Variants in SNX32 observed in about 807,000 individuals in gnomAD.
The protein encoded by SNX32 is sorting nexin 32, also known as sorting nexin-32.
SNX32 carries 58 observed loss-of-function variants against 57.0 expected under a neutral mutation model. The ratio of observed to expected loss-of-function variants is 1.02; its 90% CI spans 0.82 to 1.27. The LOEUF is 1.27. Among genes scored for constraint, SNX32 ranks in the 50% most tolerant of loss-of-function variants. The pLI, the probability that SNX32 is intolerant of heterozygous loss-of-function variation, is 0.00. For missense variants in SNX32, 589 were observed against 541.2 expected (o/e 1.09, Z -0.88); for synonymous variants, 262 against 220.4 (o/e 1.19, Z -1.67).
At chr11:65,841,176 G>A (rs1275531887) in intron 1 of SNX32, among the ~76,000 whole-genome samples, 1 of 150,362 alleles carries the variant, frequency 6.7e-6, no homozygotes, top group Non-Finnish European at 1.5e-5. Context: ...GAACTCCTGA[G>A]CTCAGGTGAT....
intron 5 of SNX32, 48 bp downstream of exon 5, chr11:65,850,602 C>T: frequency 6.4e-7 from 1 of 1,569,366 alleles, no homozygotes; most frequent in Non-Finnish European, 8.7e-7. Context: ...AGGAGTCTAC[C>T]TTGGGTGGGG....
In SNX32 at chr11:65,839,215, A is replaced by ATTTTTTTTTTTTTTTT. The variant is rs1555032605; in HGVS notation, c.36+5121_36+5122insTTTTTTTTTTTTTTTT. On this transcript the variant is annotated intron_variant, in intron 1 of 12. Transcript: ENST00000308342. The stretch of plus-strand genomic sequence containing the variant: ...AGCTGTGCCCCACCACGCCCAGCTA[A>ATTTTTTTTTTTTTTTT]TTTTTTTGTATTTTTTTTTTTTTTT... Among the ~76,000 whole-genome samples the ATTTTTTTTTTTTTTTT allele has an allele frequency of 4.5e-3, 88 of 19,514 alleles. 6 individuals carry two copies. Among genetic ancestry groups the ATTTTTTTTTTTTTTTT allele is most frequent in the Middle Eastern group, 0.022 (1 of 46 alleles). The allele number at this position is 19,514 out of a possible 152,430, so 12.8% of individuals were successfully genotyped here.
chr11:65,851,197 CCT>C, intron 7 of SNX32, 37 bp downstream of exon 7: 1 of 1,604,120 alleles, frequency 6.2e-7, no homozygotes. Flanking sequence ...TCCCCCTGCC[CCT>C]CTCCCCAGCG....
chr11:65,834,544 CTGTG>C (rs370562328), intron 1 of SNX32, among the ~76,000 whole-genome samples: 1 of 145,222 alleles, frequency 6.9e-6, no homozygotes, highest in Non-Finnish European at 1.5e-5. Flanking sequence ...CTGTGCATGT[CTGTG>C]TGTGTGTGTC....
chr11:65,841,093 C>CCCCA (rs1858828310), intron 1 of SNX32, among the ~76,000 whole-genome samples: 2 of 151,726 alleles, frequency 1.3e-5, no homozygotes, highest in African/African-American at 4.8e-5. Context: ...TACAAGCGCC[C>CCCCA]CCCACCACAC....
At chr11:65,849,850 T>C (rs934000143) in intron 2 of SNX32, 70 bp from the exon 3 acceptor site, 6 of 1,296,676 alleles carry the variant, frequency 4.6e-6, no homozygotes, top group South Asian at 1.4e-5. Context: ...GGCCCAAAAG[T>C]GCATGCCCAG....
rs1170771290 is a variant in SNX32, at chr11:65,853,385, G to A, written c.*50G>A. The stretch of plus-strand genomic sequence containing the variant: ...TAATCTGGGATCTCCAGTGACCAGG[G>A]TATCCCAGACCCCTCTCTCCGGCAA... On this transcript the variant is annotated 3_prime_UTR_variant, in exon 13 of 13. Coordinates refer to ENST00000308342, the MANE Select transcript of SNX32 (RefSeq NM_152760.3). 3.2e-6 allele frequency: 5 copies of A among 1,583,402 alleles called. No individual in the cohort carries two copies.
In SNX32 at chr11:65,850,414, T is replaced by G. The variant is rs939632792; in HGVS notation, c.375-17T>G. The G allele has an allele frequency of 1.9e-6, 3 of 1,613,722 alleles. No individual in the cohort carries two copies. The African/African-American group carries it at 4.0e-5, about 22-fold the overall frequency. On this transcript the variant is annotated splice_polypyrimidine_tract_variant and intron_variant, in intron 4 of 12. Transcript: ENST00000308342. ...TGGGGGCTGAGGAGGGCCGGTGAGC[T>G]GCTGCCACTCTCGCAGGGAGTACCT...
At chr11:65,834,999 GT>G (rs1354517097) in intron 1 of SNX32, among the ~76,000 whole-genome samples, 2 of 150,914 alleles carry the variant, frequency 1.3e-5, no homozygotes, top group African/African-American at 4.9e-5. Context: ...GTGTCTGTGT[GT>G]GTGTTTCTCT....
chr11:65,840,023 T>G (rs931449878), intron 1 of SNX32, among the ~76,000 whole-genome samples: 10 of 151,892 alleles, frequency 6.6e-5, no homozygotes, highest in African/African-American at 2.4e-4. Context: ...GGCATGGTAG[T>G]GCATGCCTGT....
chr11:65,846,425 G>A (rs1459237644), intron 1 of SNX32, among the ~76,000 whole-genome samples: 3 of 151,142 alleles, frequency 2.0e-5, no homozygotes, highest in African/African-American at 2.4e-5. Flanking sequence ...AATTAGCTGG[G>A]CGTGGTGGTG....
Position 65,852,675 on chromosome 11 carries a change from G to A in SNX32, c.958G>A (p.Ala320Thr), listed in dbSNP as rs767334940. The A allele has an allele frequency of 1.3e-6, 2 of 1,597,556 alleles. No individual in the cohort carries two copies. The highest frequency in any genetic ancestry group is 1.7e-6 in the Non-Finnish European group (2 of 1,174,742). ...GCGGGCACTGGCCGACTACGAGAATGCCAACAAGGCGCTGGACAAGGCGCG... is the reference window on the plus strand; with the variant it reads ...GCGGGCACTGGCCGACTACGAGAATACCAACAAGGCGCTGGACAAGGCGCG... ...RLRALADYENANKALDKARTR... is the reference protein window; with the variant it reads ...RLRALADYENTNKALDKARTR... The change falls in exon 11 of 13, where the codon GCC becomes ACC. Residue 320 changes from alanine to threonine, a missense_variant. By Grantham distance (58) the Ala-to-Thr change is moderately conservative. Transcript: ENST00000308342.
chr11:65,852,784 A>G lies in SNX32; in HGVS notation c.1067A>G (p.Lys356Arg). 1 of 1,610,016 alleles carries G rather than the reference A, an allele frequency of 6.2e-7. No homozygotes were observed. The highest frequency in any genetic ancestry group is 1.3e-5 in the African/African-American group (1 of 74,850). ...TTCGAGCGCCTCTCCGACTCCGCCAAGCAAGGTGAGCCCGCAGCCCCCAGC... is the reference window on the plus strand; with the variant it reads ...TTCGAGCGCCTCTCCGACTCCGCCAGGCAAGGTGAGCCCGCAGCCCCCAGC... ...QRFERLSDSA[K>R]QELMDFKSRR... The change falls in exon 11 of 13, where the codon AAG becomes AGG. Residue 356 changes from lysine (K) to arginine (R), a missense_variant. Physicochemically the swap from Lys to Arg is conservative, Grantham distance 26. Transcript: ENST00000308342.
intron 12 of SNX32, 64 bp downstream of exon 12, chr11:65,853,022 C>G: frequency 6.4e-7 from 1 of 1,555,182 alleles, no homozygotes; most frequent in Non-Finnish European, 8.9e-7. Context: ...CTCCCTCCCC[C>G]AGGCACCAGG....
chr11:65,850,094 T>C, intron 3 of SNX32, 56 bp from the exon 4 acceptor site: 1 of 1,614,194 alleles, frequency 6.2e-7, no homozygotes, highest in Non-Finnish European at 8.5e-7. Flanking sequence ...GACCAAAGGC[T>C]GTGATGGCCG....
At chr11:65,846,206 G>C (rs551300580) in intron 1 of SNX32, among the ~76,000 whole-genome samples, 1 of 152,314 alleles carries the variant, frequency 6.6e-6, no homozygotes, top group South Asian at 2.1e-4. Context: ...GAGTGGTAGA[G>C]GTTGCAGTGA....
chr11:65,843,220 C>CAA lies in SNX32; in HGVS notation c.37-6243_37-6242dup, dbSNP rs11307931. On this transcript the variant is annotated intron_variant, in intron 1 of 12. Coordinates refer to ENST00000308342, the MANE Select transcript of SNX32 (RefSeq NM_152760.3). ...TGGGCGACAGAGCAAGACTCCGTCT[C>CAA]AAAAAAAAAAAAAAAAGAAAAAGAA... is the stretch of plus-strand genomic sequence containing the variant. Among the ~76,000 whole-genome samples the CAA allele has an allele frequency of 3.9e-3, 422 of 108,908 alleles. 2 individuals are homozygous for CAA. The highest frequency in any genetic ancestry group is 0.015 in the African/African-American group (400 of 27,502). 71.4% of individuals were successfully genotyped at this position (108,908 alleles called of 152,430 possible).
rs1392355903 is a variant in SNX32, at chr11:65,851,652, A to T, written c.798A>T (p.Lys266Asn). The part of the protein sequence containing the change: ...EVNQLRTSFL[K>N]LAELFERLRK... ...TACTGCTTCCTAGGAGCTTCCTCAA[A>T]TTGGCAGAGCTCTTTGAACGGCTGA... Residue 266 changes from lysine to asparagine, a missense_variant, in exon 9 of 13, where the codon AAA (lysine) becomes AAT (asparagine). By Grantham distance (94) the Lys-to-Asn change is moderately conservative. Coordinates refer to ENST00000308342, the MANE Select transcript of SNX32 (RefSeq NM_152760.3). 6.2e-7 allele frequency: 1 copy of T among 1,613,970 alleles called. No individual in the cohort carries two copies. Among genetic ancestry groups the T allele is most frequent in the Non-Finnish European group, 8.5e-7 (1 of 1,179,998 alleles).
In SNX32 at chr11:65,853,501, C is replaced by G. The variant is rs1859296870; in HGVS notation, c.*166C>G. ...AGCCCAAACCCCCTATCACCACCAC[C>G]ACAGGTGCCAGGCCCTGCAAGACAC... On this transcript the variant is annotated 3_prime_UTR_variant, in exon 13 of 13. Coordinates refer to ENST00000308342, the MANE Select transcript of SNX32 (RefSeq NM_152760.3). The G allele has an allele frequency of 3.0e-6, 2 of 677,170 alleles. No homozygotes were observed. Among genetic ancestry groups the G allele is most frequent in the East Asian group, 5.4e-5 (2 of 36,836 alleles). The allele number at this position is 677,170 out of a possible 1,614,324, so 41.9% of individuals were successfully genotyped here. A position where few individuals can be genotyped will look rare whatever the true frequency, so the allele number is the denominator to read the frequency against.
Sources: gnomAD v4.1 joint callset for allele counts (sites outside exome capture counted in the v4.1 genomes callset) on GRCh38, gnomAD v4.1.1 for gene constraint, MANE v1.5 for transcripts, NCBI Gene and HGNC (gene_info 2026-07-23, HGNC 2026-07-21) for gene names.